Variants in JAM2 observed in about 807,000 individuals in gnomAD.
The protein encoded by JAM2 is junctional adhesion molecule B.
In JAM2, 17 loss-of-function variants were observed where a neutral mutation model predicts 42.0. That is an observed-to-expected ratio of 0.40 (90% CI 0.28 to 0.61). The LOEUF is 0.61. Ranked by LOEUF, JAM2 falls within the 20% of genes least tolerant of loss-of-function variation. The pLI, the probability that JAM2 is intolerant of heterozygous loss-of-function variation, is 0.37. For missense variants in JAM2, 319 were observed against 358.3 expected, an observed-to-expected ratio of 0.89 and a Z score of 0.89; for synonymous variants, 118 against 128.6, an observed-to-expected ratio of 0.92 and a Z score of 0.56.
intron 1 of JAM2, among the ~76,000 whole-genome samples, chr21:25,656,632 T>C (rs1224781216): frequency 6.6e-6 from 1 of 152,182 alleles, no homozygotes; most frequent in Non-Finnish European, 1.5e-5. Flanking sequence ...TCAGAAGCTA[T>C]TTCTGTGCTG....
intron 2 of JAM2, among the ~76,000 whole-genome samples, chr21:25,688,560 T>C (rs2033807353): frequency 6.6e-6 from 1 of 152,236 alleles, no homozygotes; most frequent in African/African-American, 2.4e-5. Context: ...CTTTGTAGCA[T>C]AATTGTAAAC....
intron 2 of JAM2, among the ~76,000 whole-genome samples, chr21:25,685,207 A>G (rs989582766): frequency 2.0e-5 from 3 of 152,182 alleles, no homozygotes; most frequent in Non-Finnish European, 4.4e-5. Flanking sequence ...AGTGCCTAAC[A>G]CATAATATGA....
chr21:25,687,742 C>A (rs188264823), intron 2 of JAM2, among the ~76,000 whole-genome samples: 1 of 152,288 alleles, frequency 6.6e-6, no homozygotes, highest in East Asian at 1.9e-4. Context: ...TTGGGATCTT[C>A]TTTCTCAAAG....
At chr21:25,683,862 C>T in intron 1 of JAM2, 21 bp from the exon 2 acceptor site, 4 of 1,537,880 alleles carry the variant, frequency 2.6e-6, no homozygotes, top group Non-Finnish European at 3.6e-6. Flanking sequence ...TTTAATTATC[C>T]TATCTGTTTT....
chr21:25,691,017 T>G (rs1330144745), intron 3 of JAM2, among the ~76,000 whole-genome samples: 1 of 152,234 alleles, frequency 6.6e-6, no homozygotes, highest in Non-Finnish European at 1.5e-5. Flanking sequence ...TGATTACTAT[T>G]ATAGCTGGTC....
intron 5 of JAM2, among the ~76,000 whole-genome samples, chr21:25,700,336 C>A (rs3827165): frequency 0.089 from 13,463 of 151,568 alleles, 771 homozygotes; most frequent in East Asian, 0.3. Flanking sequence ...AACTTAAAGG[C>A]GTGGTGATAA....
At chr21:25,673,979 T>C (rs1358884020) in intron 1 of JAM2, among the ~76,000 whole-genome samples, 2 of 152,244 alleles carry the variant, frequency 1.3e-5, no homozygotes, top group Non-Finnish European at 2.9e-5. Context: ...CCCCTTTTGC[T>C]TGGCTCTCAT....
intron 1 of JAM2, among the ~76,000 whole-genome samples, chr21:25,650,757 A>G (rs762100389): frequency 1.8e-4 from 28 of 152,182 alleles, no homozygotes; most frequent in Non-Finnish European, 3.2e-4. Flanking sequence ...GTGTTCTATA[A>G]AGCCTCTATA....
In JAM2 at chr21:25,661,770, C is replaced by T. The variant is rs181365683; in HGVS notation, c.67+21882C>T. 1.3e-3 allele frequency among the ~76,000 whole-genome samples: 196 copies of T among 152,222 alleles called. 2 individuals are homozygous for T. Among genetic ancestry groups the T allele is most frequent in the African/African-American group, 4.5e-3 (188 of 41,578 alleles). On this transcript the variant is annotated intron_variant, in intron 1 of 9. Coordinates refer to ENST00000480456, the MANE Select transcript of JAM2 (RefSeq NM_021219.4). ...AATTAAAATAAATGAATGCAAATTA[C>T]ATGTATTTCATCACTGCACTAAATT... is the stretch of plus-strand genomic sequence containing the variant.
At chr21:25,682,185 C>A (rs1029113981) in intron 1 of JAM2, among the ~76,000 whole-genome samples, 2 of 152,204 alleles carry the variant, frequency 1.3e-5, no homozygotes, top group Middle Eastern at 3.2e-3. Flanking sequence ...AGGCGACAGA[C>A]TTGCACTTGT....
chr21:25,685,841 C>T (rs1002371953), intron 2 of JAM2, among the ~76,000 whole-genome samples: 2 of 152,042 alleles, frequency 1.3e-5, no homozygotes, highest in East Asian at 3.9e-4. Context: ...CCAGGATGTC[C>T]CTGAGGGACC....
chr21:25,660,425 G>C (rs1415701428), intron 1 of JAM2, among the ~76,000 whole-genome samples: 1 of 152,102 alleles, frequency 6.6e-6, no homozygotes, highest in East Asian at 1.9e-4. Context: ...AACAGGAAGG[G>C]GATTACTTCC....
At chr21:25,648,402 A>G (rs2032673458) in intron 1 of JAM2, among the ~76,000 whole-genome samples, 1 of 152,072 alleles carries the variant, frequency 6.6e-6, no homozygotes, top group Admixed American at 6.6e-5. Context: ...TACTGTCCAT[A>G]TAGTGCTTTT....
At position 25,646,628 on chromosome 21, in the gene JAM2, G is replaced by C. The variant is rs191232691; in HGVS notation, c.67+6740G>C. Among the ~76,000 whole-genome samples the C allele has an allele frequency of 3.3e-5, 5 of 152,266 alleles. No individual in the cohort carries two copies. The East Asian group carries it at 9.6e-4, about 29-fold the overall frequency. Reference sequence around the variant, plus strand: ...AGAGAGGGAGGATGGATGGATGTGTGCTCAGATAAATGCCTGCTGACAGCA... The same window carrying C: ...AGAGAGGGAGGATGGATGGATGTGTCCTCAGATAAATGCCTGCTGACAGCA... On this transcript the variant is annotated intron_variant, in intron 1 of 9. Coordinates refer to ENST00000480456, the MANE Select transcript of JAM2 (RefSeq NM_021219.4).
At chr21:25,671,607 G>C (rs1408718022) in intron 1 of JAM2, among the ~76,000 whole-genome samples, 2 of 152,124 alleles carry the variant, frequency 1.3e-5, no homozygotes, top group Non-Finnish European at 2.9e-5. Flanking sequence ...CCAGGTTCAA[G>C]TGAGTCTCCT....
chr21:25,710,116 C>T (rs2034352523), intron 8 of JAM2: 1 of 152,020 alleles, frequency 6.6e-6, no homozygotes, highest in African/African-American at 2.4e-5. Context: ...ATGATGATTA[C>T]CCAGACAAGA....
At chr21:25,709,326 GAAGATT>G in intron 7 of JAM2, 102 bp from the exon 8 acceptor site, 1 of 620,550 alleles carries the variant, frequency 1.6e-6, no homozygotes, top group Non-Finnish European at 2.7e-6. Context: ...GTCAGCAAGT[GAAGATT>G]AAAATTAATA....
At position 25,707,962 on chromosome 21, in the gene JAM2, A is replaced by G. The variant is rs908693759; in HGVS notation, c.806-1472A>G. ...CGGGCTCAAGCAGTCCTCCCACCTCAGCCTTCTCAAGTAGCTGGGACTACA... is the reference window on the plus strand; with the variant it reads ...CGGGCTCAAGCAGTCCTCCCACCTCGGCCTTCTCAAGTAGCTGGGACTACA... On this transcript the variant is annotated intron_variant, in intron 7 of 9. Transcript: ENST00000480456. 4.5e-4 allele frequency among the ~76,000 whole-genome samples: 68 copies of G among 151,730 alleles called. 1 individual carries two copies. Among genetic ancestry groups the G allele is most frequent in the Admixed American group, 2.6e-4 (4 of 15,230 alleles).
At chr21:25,681,112 A>G (rs2033621235) in intron 1 of JAM2, among the ~76,000 whole-genome samples, 1 of 152,246 alleles carries the variant, frequency 6.6e-6, no homozygotes, top group African/African-American at 2.4e-5. Flanking sequence ...CTATAGAAAT[A>G]TATAGTCGAG....
Sources: gnomAD v4.1 joint callset for allele counts (sites outside exome capture counted in the v4.1 genomes callset) on GRCh38, gnomAD v4.1.1 for gene constraint, MANE v1.5 for transcripts, NCBI Gene and HGNC (gene_info 2026-07-23, HGNC 2026-07-21) for gene names.